Variants in SHLD2 observed in about 807,000 individuals in gnomAD.
The protein encoded by SHLD2 is shieldin complex subunit 2, also known as RINN1-REV7-interacting novel NHEJ regulator 2.
In SHLD2, 30 loss-of-function variants were observed where a neutral mutation model predicts 73.2. The observed-to-expected ratio is 0.41, with a 90% CI of 0.31 to 0.56. SHLD2 has a LOEUF of 0.56. SHLD2 is among the 20% of genes least tolerant of loss of function. SHLD2 has a pLI of 0.28. For missense variants in SHLD2, 745 were observed against 1,055.9 expected (o/e 0.71, Z 4.08); for synonymous variants, 285 against 370.1 (o/e 0.77, Z 2.64).
At chr10:87,145,183 C>T (rs543250393) in intron 2 of SHLD2, among the ~76,000 whole-genome samples, 15 of 151,988 alleles carry the variant, frequency 9.9e-5, no homozygotes, top group African/African-American at 2.4e-4. Flanking sequence ...CCTCGTGATC[C>T]GCCCTCCTCA....
intron 2 of SHLD2, among the ~76,000 whole-genome samples, chr10:87,111,134 G>A (rs1295446310): frequency 9.9e-5 from 15 of 151,800 alleles, no homozygotes; most frequent in East Asian, 1.9e-4. Flanking sequence ...CAGCCACTGC[G>A]CCTGGCCCTT....
chr10:87,147,072 G>GAAAAAAAA (rs76041937), intron 2 of SHLD2, among the ~76,000 whole-genome samples: 274 of 94,758 alleles, frequency 2.9e-3, no homozygotes, highest in Middle Eastern at 0.011. Flanking sequence ...AAAAAAAAAA[G>GAAAAAAAA]AAAAAAAAAA....
At chr10:87,098,308 G>A (rs541045796) in intron 2 of SHLD2, among the ~76,000 whole-genome samples, 1 of 152,086 alleles carries the variant, frequency 6.6e-6, no homozygotes, top group South Asian at 2.1e-4. Context: ...GAGGTTGGGA[G>A]TTCGAGACCA....
chr10:87,186,922 C>A (rs571247218), intron 8 of SHLD2, among the ~76,000 whole-genome samples, 163 bp from the exon 9 acceptor site: 4 of 151,226 alleles, frequency 2.6e-5, no homozygotes, highest in East Asian at 3.9e-4. Flanking sequence ...AAAAAAAAAA[C>A]CTTTTTTTCC....
chr10:87,187,153 A>G lies in SHLD2; in HGVS notation c.2468A>G (p.Glu823Gly). 3 of 1,613,246 alleles carry G rather than the reference A, an allele frequency of 1.9e-6. No homozygotes were observed. Among genetic ancestry groups the G allele is most frequent in the South Asian group, 1.1e-5 (1 of 91,066 alleles). The change falls in exon 9 of 10, where the codon GAG becomes GGG. Residue 823 changes from glutamate to glycine, a missense_variant. Glu to Gly is a moderately conservative substitution (Grantham distance 98, BLOSUM62 -2). Transcript: ENST00000298786. ...ATCCGTGTAGAATCAAAGCTGATAG[A>G]GAAGATTCTTCTCAACATTTCTGCA... ...VCIRVESKLIEKILLNISADC... is the reference protein window; with the variant it reads ...VCIRVESKLIGKILLNISADC...
intron 8 of SHLD2, among the ~76,000 whole-genome samples, chr10:87,183,128 TAA>T (rs1231113384): frequency 6.6e-6 from 1 of 152,168 alleles, no homozygotes; most frequent in East Asian, 1.9e-4. Context: ...GTGGTAGGAA[TAA>T]AAAGAAGTGG....
chr10:87,095,332 C>T (rs1007849883), intron 1 of SHLD2, 84 bp downstream of exon 1: 1 of 151,960 alleles, frequency 6.6e-6, no homozygotes, highest in Admixed American at 6.6e-5. Flanking sequence ...GTAGGGCGCT[C>T]AGAGGCCGAG....
At chr10:87,096,233 CG>C (rs1325342755) in intron 1 of SHLD2, among the ~76,000 whole-genome samples, 1 of 151,868 alleles carries the variant, frequency 6.6e-6, no homozygotes, top group African/African-American at 2.4e-5. Flanking sequence ...TTAGTAGAGA[CG>C]GGGTTTCGCT....
At position 87,158,122 on chromosome 10, in the gene SHLD2, C is replaced by G; in HGVS notation, c.1600C>G (p.Leu534Val). Residue 534 changes from leucine to valine, a missense_variant, in exon 4 of 10, where the codon CTT becomes GTT. This residue lies in a region of SHLD2 where 418 missense variants were observed against 567.8 expected (regional missense o/e 0.74). Transcript: ENST00000298786. ...QSTFSSQLLN[L>V]GSYSSIQPEE... ...AACATTTAGCAGTCAGTTATTAAAT[C>G]TTGGGAGTTATTCATCTATTCAGCC... is the stretch of plus-strand genomic sequence containing the variant. 6.2e-7 allele frequency: 1 copy of G among 1,611,292 alleles called. No homozygotes were observed. Among genetic ancestry groups the G allele is most frequent in the Non-Finnish European group, 8.5e-7 (1 of 1,179,516 alleles).
chr10:87,164,061 A>C (rs1847021842), intron 4 of SHLD2, among the ~76,000 whole-genome samples: 1 of 149,740 alleles, frequency 6.7e-6, no homozygotes, highest in Non-Finnish European at 1.5e-5. Context: ...GGGTTCGAGC[A>C]ATTCTCCTGC....
chr10:87,130,150 T>A (rs183082741), intron 2 of SHLD2, among the ~76,000 whole-genome samples: 1 of 152,136 alleles, frequency 6.6e-6, no homozygotes, highest in Non-Finnish European at 1.5e-5. Context: ...CAGTTATGCC[T>A]CTAAAAGCTG....
At chr10:87,164,967 G>A (rs2134478379) in intron 4 of SHLD2, among the ~76,000 whole-genome samples, 1 of 152,040 alleles carries the variant, frequency 6.6e-6, no homozygotes, top group Non-Finnish European at 1.5e-5. Flanking sequence ...CAGGTGGATG[G>A]CTTGAGCCCA....
intron 8 of SHLD2, among the ~76,000 whole-genome samples, chr10:87,181,014 G>A (rs6586062): frequency 0.56 from 85,551 of 151,766 alleles, 24,841 homozygotes; most frequent in Middle Eastern, 0.66. Context: ...CAGATATTAT[G>A]TTTGTTATAA....
intron 2 of SHLD2, among the ~76,000 whole-genome samples, chr10:87,104,105 C>T (rs1036117107): frequency 2.0e-5 from 3 of 149,116 alleles, no homozygotes; most frequent in Non-Finnish European, 3.0e-5. Flanking sequence ...TGATGGCGGG[C>T]AGGTGCTTGT....
intron 1 of SHLD2, among the ~76,000 whole-genome samples, chr10:87,096,252 C>T (rs1361197096): frequency 6.6e-6 from 1 of 152,016 alleles, no homozygotes; most frequent in Non-Finnish European, 1.5e-5. Context: ...GCTGTGCTGG[C>T]CAGGCTGGTC....
intron 2 of SHLD2, among the ~76,000 whole-genome samples, chr10:87,104,888 T>C (rs112243724): frequency 0.017 from 2,571 of 152,228 alleles, 79 homozygotes; most frequent in African/African-American, 0.059. Context: ...CTTGAACTCC[T>C]GACCTTGTGA....
chr10:87,094,822 C>G, upstream of SHLD2: 2 of 1,386,618 alleles, frequency 1.4e-6, no homozygotes, highest in Non-Finnish European at 2.0e-6. The surrounding 1 kb of genome is among the most constrained non-coding windows in gnomAD (Gnocchi z 6.6). Context: ...CGCGCTTTCT[C>G]AGACTCCCCG....
chr10:87,188,098 T>A (rs1848732920), intron 9 of SHLD2, among the ~76,000 whole-genome samples: 1 of 152,204 alleles, frequency 6.6e-6, no homozygotes, highest in South Asian at 2.1e-4. Flanking sequence ...TTGGTTGTTA[T>A]TTGGTGCATC....
intron 4 of SHLD2, among the ~76,000 whole-genome samples, chr10:87,162,700 C>T (rs1589610721): frequency 6.6e-6 from 1 of 152,144 alleles, no homozygotes; most frequent in South Asian, 2.1e-4. Flanking sequence ...AAGAGATGAA[C>T]AGTCAGTTTT....
Sources: allele counts gnomAD v4.1 joint callset (sites outside exome capture counted in the v4.1 genomes callset), GRCh38; gene constraint gnomAD v4.1.1; regional missense constraint gnomAD v4.1.1; non-coding constraint Gnocchi (gnomAD v3.1); transcripts MANE v1.5; gene names NCBI Gene and HGNC (gene_info 2026-07-23, HGNC 2026-07-21).